Variants in PDIA3 observed in about 807,000 individuals in gnomAD.
The protein encoded by PDIA3 is protein disulfide isomerase family A member 3.
In PDIA3, 16 loss-of-function variants were observed where a neutral mutation model predicts 56.9. That is an observed-to-expected ratio of 0.28 (90% CI 0.19 to 0.43). The LOEUF is 0.43. Ranked by LOEUF, PDIA3 falls within the 20% of genes least tolerant of loss-of-function variation. The pLI is 1.00. For synonymous variants in PDIA3, 192 were observed against 216.5 expected (o/e 0.89, Z 0.99); for missense variants, 485 against 621.3 (o/e 0.78, Z 2.33).
chr15:43,761,476 C>T lies in PDIA3; in HGVS notation c.417C>T (p.Leu139=). Residue 139 remains leucine (L), a synonymous_variant, in exon 4 of 13, where the codon CTC becomes CTT. Transcript: ENST00000300289. ...KKQAGPASVP[L]RTEEEFKKFI... ...AGGCAGGACCAGCTTCAGTGCCTCT[C>T]AGGACTGAGGAAGAATTTAAGAAAT... 2 of 1,605,480 alleles carry T rather than the reference C, an allele frequency of 1.2e-6. No homozygotes were observed. Among genetic ancestry groups the T allele is most frequent in the Non-Finnish European group, 1.7e-6 (2 of 1,173,476 alleles).
intron 8 of PDIA3, 141 bp downstream of exon 8, chr15:43,767,051 T>G (rs2086851678): frequency 1.3e-6 from 1 of 795,616 alleles, no homozygotes; most frequent in Non-Finnish European, 2.0e-6. Flanking sequence ...TTTCTCAATT[T>G]AAATATAGGT....
intron 1 of PDIA3, chr15:43,751,831 C>T: frequency 9.7e-7 from 1 of 1,026,544 alleles, no homozygotes; most frequent in Non-Finnish European, 1.3e-6. Flanking sequence ...TTGACACCTA[C>T]TGGCTTGACC....
chr15:43,746,886 G>A (rs4572357), intron 1 of PDIA3, 180 bp downstream of exon 1: 3 of 677,464 alleles, frequency 4.4e-6, no homozygotes, highest in South Asian at 1.9e-5. Flanking sequence ...GGGAGTCGGT[G>A]CTGATCGGCC....
At position 43,771,274 on chromosome 15, in the gene PDIA3, C is replaced by A; in HGVS notation, c.*56C>A. On this transcript the variant is annotated 3_prime_UTR_variant, in exon 13 of 13. Transcript: ENST00000300289. Reference sequence around the variant, plus strand: ...ACTCTTCCATCAGAGATGGGAAAACCATTGGGGAGGACTAGGACCCATATG... The same window carrying A: ...ACTCTTCCATCAGAGATGGGAAAACAATTGGGGAGGACTAGGACCCATATG... 1 of 1,132,180 alleles carries A rather than the reference C, an allele frequency of 8.8e-7. No individual in the cohort carries two copies. The highest frequency in any genetic ancestry group is 1.3e-6 in the Non-Finnish European group (1 of 754,594). The allele number at this position is 1,132,180 out of a possible 1,614,324, so 70.1% of individuals were successfully genotyped here.
intron 4 of PDIA3, 138 bp downstream of exon 4, chr15:43,761,669 A>T (rs926939733): frequency 6.9e-6 from 4 of 579,476 alleles, no homozygotes; most frequent in African/African-American, 5.6e-5. Flanking sequence ...GAATTGGGTC[A>T]GCAATTACTA....
intron 12 of PDIA3, 150 bp downstream of exon 12, chr15:43,770,730 G>A (rs1024649880): frequency 2.2e-5 from 14 of 636,802 alleles, no homozygotes; most frequent in African/African-American, 1.5e-4. Flanking sequence ...GTGCAATGGC[G>A]TGATCTCGGC....
intron 12 of PDIA3, 43 bp downstream of exon 12, chr15:43,770,623 G>A (rs769900022): frequency 8.4e-6 from 10 of 1,188,384 alleles, no homozygotes; most frequent in East Asian, 7.0e-5. Context: ...ATACACAGAC[G>A]TAAACACACA....
intron 3 of PDIA3, among the ~76,000 whole-genome samples, chr15:43,759,268 C>T (rs986397275): frequency 5.3e-5 from 8 of 151,816 alleles, no homozygotes; most frequent in African/African-American, 1.2e-4. Flanking sequence ...CTGGCCTGGG[C>T]GAAAGAGTGA....
rs921301727 is a variant in PDIA3, at chr15:43,756,275, T to C, written c.247-374T>C. ...TAAAGGATATGTACCACCATCGATATATCCCCTTGGTGATAGTCGTAATCA... is the reference window on the plus strand; with the variant it reads ...TAAAGGATATGTACCACCATCGATACATCCCCTTGGTGATAGTCGTAATCA... On this transcript the variant is annotated intron_variant, in intron 2 of 12. Transcript: ENST00000300289. Among the ~76,000 whole-genome samples the C allele has an allele frequency of 1.8e-4, 28 of 152,230 alleles. 1 individual carries two copies. The highest frequency in any genetic ancestry group is 6.8e-4 in the African/African-American group (28 of 41,450).
At position 43,751,708 on chromosome 15, in the gene PDIA3, A is replaced by C. The variant is rs765392346; in HGVS notation, c.168-2116A>C. On this transcript the variant is annotated intron_variant, in intron 1 of 12. Transcript: ENST00000300289. ...CAGTGGATTTTAGTCCCAGCCTTGC[A>C]GCTTACACACACACCTGGTTGCTCC... 4 of 1,302,660 alleles carry C rather than the reference A, an allele frequency of 3.1e-6. No homozygotes were observed. The South Asian group carries it at 4.9e-5, about 16-fold the overall frequency. The allele number at this position is 1,302,660 out of a possible 1,614,324, so 80.7% of individuals were successfully genotyped here.
At chr15:43,767,011 G>T in intron 8 of PDIA3, 101 bp downstream of exon 8, 1 of 1,079,732 alleles carries the variant, frequency 9.3e-7, no homozygotes, top group Non-Finnish European at 1.4e-6. Flanking sequence ...GTGAAGATAG[G>T]TCTTTTAATC....
At position 43,766,026 on chromosome 15, in the gene PDIA3, T is replaced by C. The variant is rs1377038080; in HGVS notation, c.845+14T>C. The C allele has an allele frequency of 2.5e-6, 4 of 1,612,072 alleles. No homozygotes were observed. The highest frequency in any genetic ancestry group is 2.7e-5 in the African/African-American group (2 of 74,830). On this transcript the variant is annotated intron_variant, in intron 7 of 12. Coordinates refer to ENST00000300289, the MANE Select transcript of PDIA3 (RefSeq NM_005313.5). ...CTGGAGAAACAGGTAATAAGAATTA[T>C]GTTTTTCCCTCATGAACAAGTTTAC...
intron 5 of PDIA3, 34 bp from the exon 6 acceptor site, chr15:43,765,416 C>G (rs77200110): frequency 5.1e-6 from 6 of 1,166,434 alleles, no homozygotes; most frequent in Non-Finnish European, 7.6e-6. Flanking sequence ...CTTCTGCTAT[C>G]TGCCTACTGA....
At chr15:43,746,844 C>G in intron 1 of PDIA3, 138 bp downstream of exon 1, 1 of 991,934 alleles carries the variant, frequency 1.0e-6, no homozygotes, top group Non-Finnish European at 1.5e-6. Flanking sequence ...ATTTCTCATT[C>G]CCGGGAGCTG....
rs553071886 is a variant in PDIA3 at position 43,764,556 on chromosome 15, C to T, written c.603-894C>T. On this transcript the variant is annotated intron_variant, in intron 5 of 12. Coordinates refer to ENST00000300289, the MANE Select transcript of PDIA3 (RefSeq NM_005313.5). ...GATCTCGGCTCACTACAACCTCCGC[C>T]TCCTGGGTTCAAGTGATTCTCCTGC... is the stretch of plus-strand genomic sequence containing the variant. Among the ~76,000 whole-genome samples, 14 of 152,188 alleles carry T rather than the reference C, an allele frequency of 9.2e-5. No individual in the cohort carries two copies. In the South Asian group the frequency reaches 2.9e-3, roughly 32 times the overall value.
rs1474613636 is a variant in PDIA3 at position 43,746,475 on chromosome 15, G to A, written c.-65G>A. 18 of 1,389,050 alleles carry A rather than the reference G, an allele frequency of 1.3e-5. No homozygotes were observed. The African/African-American group carries it at 2.7e-4, about 21-fold the overall frequency. 86.0% of individuals were successfully genotyped at this position (1,389,050 alleles called of 1,614,324 possible). ...GCAAGCAGCGGGTTAGTGGTCGCGC[G>A]CCCGACCTCCGCAGTCCCAGCCGAG... On this transcript the variant is annotated 5_prime_UTR_variant, in exon 1 of 13. Coordinates refer to ENST00000300289, the MANE Select transcript of PDIA3 (RefSeq NM_005313.5).
chr15:43,765,418 G>T, intron 5 of PDIA3, 32 bp from the exon 6 acceptor site: 4 of 1,187,752 alleles, frequency 3.4e-6, no homozygotes, highest in South Asian at 2.6e-5. Context: ...TCTGCTATCT[G>T]CCTACTGAGA....
Position 43,772,523 on chromosome 15 carries a change from A to T in PDIA3, c.*1305A>T, listed in dbSNP as rs2086887541. 2 of 152,264 alleles carry T rather than the reference A, an allele frequency of 1.3e-5. No individual in the cohort carries two copies. Among genetic ancestry groups the T allele is most frequent in the South Asian group, 4.1e-4 (2 of 4,834 alleles). 9.4% of individuals were successfully genotyped at this position (152,264 alleles called of 1,614,324 possible). The stretch of plus-strand genomic sequence containing the variant: ...GGATCTAATTGTTTAGAGAGCCCCA[A>T]AAGTGGCTCAGATGTAAAGCCAGGG... On this transcript the variant is annotated 3_prime_UTR_variant, in exon 13 of 13. Transcript: ENST00000300289.
In PDIA3 at chr15:43,766,118, G is replaced by T; in HGVS notation, c.845+106G>T. 5.3e-6 allele frequency: 4 copies of T among 748,566 alleles called. No homozygotes were observed. In the Admixed American group the frequency reaches 9.6e-5, roughly 18 times the overall value. The allele number at this position is 748,566 out of a possible 1,614,324, so 46.4% of individuals were successfully genotyped here. ...TTAAGAATCTGTAAAACAATAAATG[G>T]TTCCTTAAGAAGAGGTAAAAAAAAA... On this transcript the variant is annotated intron_variant, in intron 7 of 12. Transcript: ENST00000300289.
Sources: gnomAD v4.1 joint callset for allele counts (sites outside exome capture counted in the v4.1 genomes callset) on GRCh38, gnomAD v4.1.1 for gene constraint, MANE v1.5 for transcripts, NCBI Gene and HGNC (gene_info 2026-07-23, HGNC 2026-07-21) for gene names.